HMCN1: variants seen among roughly 807,000 people sequenced by gnomAD.
HMCN1 encodes hemicentin 1.
In HMCN1, 321 loss-of-function variants were observed where a neutral mutation model predicts 625.9. That is an observed-to-expected ratio of 0.51 (90% confidence interval 0.47 to 0.56). The LOEUF (loss-of-function observed/expected upper bound fraction) is 0.56, where lower values mean the gene tolerates loss of function less well. Ranked by LOEUF, HMCN1 falls within the 20% of genes least tolerant of loss-of-function variation. The pLI is 0.00. For missense variants in HMCN1, 6,588 were observed against 6,887.3 expected (o/e 0.96, Z 1.54); for synonymous variants, 2,425 against 2,417.6 (o/e 1.00, Z -0.09).
intron 21 of HMCN1, 54 bp downstream of exon 21, chr1:185,989,701 C>G: frequency 6.4e-7 from 1 of 1,557,390 alleles, no homozygotes; most frequent in Admixed American, 1.7e-5. Flanking sequence ...TGTGCCAAAA[C>G]TCACAGTTCT....
chr1:185,739,985 A>G (rs192029082), intron 1 of HMCN1, among the ~76,000 whole-genome samples: 14 of 152,322 alleles, frequency 9.2e-5, no homozygotes, highest in Admixed American at 5.9e-4. Flanking sequence ...TGGAGAAAAA[A>G]TAAATGAAAA....
rs201176937 is a variant in HMCN1 at position 186,015,356 on chromosome 1, G to A, written c.4828G>A (p.Val1610Ile). The A allele has an allele frequency of 5.5e-5, 88 of 1,613,720 alleles. No individual in the cohort carries two copies. The East Asian group carries it at 1.9e-3, about 34-fold the overall frequency. ...ATATCTTCATATTCCTCGAGCACAG[G>A]TCTCTGATTCAGCAACATATACGTG... ...GQYLHIPRAQ[V>I]SDSATYTCHV... The change falls in exon 31 of 107, where the codon GTC becomes ATC. Residue 1610 changes from valine to isoleucine, a missense_variant. Transcript: ENST00000271588.
chr1:186,189,776 C>T lies in HMCN1; in HGVS notation c.16806C>T (p.Thr5602=), dbSNP rs145370988. The change falls in exon 107 of 107, where the codon ACC becomes ACT. Residue 5602 remains threonine, a synonymous_variant. Coordinates refer to ENST00000271588, the MANE Select transcript of HMCN1 (RefSeq NM_031935.3). ...YTTRPLREAE[T]YRMRVRASSY... ...CACGACCACTACGAGAAGCAGAGAC[C>T]TACCGCATGAGGGTCCGAGCCTCAT... 118 of 1,613,614 alleles carry T rather than the reference C, an allele frequency of 7.3e-5. No homozygotes were observed. The highest frequency in any genetic ancestry group is 9.5e-5 in the Non-Finnish European group (112 of 1,179,834).
rs150188026 is a variant in HMCN1, at chr1:186,171,376, G to A, written c.15614G>A (p.Arg5205His). The change falls in exon 101 of 107, where the codon CGC becomes CAC. Residue 5205 changes from arginine to histidine, a missense_variant. Coordinates refer to ENST00000271588, the MANE Select transcript of HMCN1 (RefSeq NM_031935.3). The part of the protein sequence containing the change: ...ECQESSPCHQ[R>H]CFNAIGSFHC... ...CAAGAATCCAGCCCCTGTCACCAGC[G>A]CTGTTTCAATGCCATAGGAAGTTTC... is the stretch of plus-strand genomic sequence containing the variant. The A allele has an allele frequency of 8.6e-4, 1,395 of 1,613,440 alleles. 22 individuals are homozygous for A. The East Asian group carries it at 0.014, about 16-fold the overall frequency.
At chr1:185,936,703 C>G (rs1667829211) in intron 11 of HMCN1, among the ~76,000 whole-genome samples, 1 of 152,132 alleles carries the variant, frequency 6.6e-6, no homozygotes, top group Non-Finnish European at 1.5e-5. Context: ...ATGTTTCCCA[C>G]CAATGAAAAT....
intron 4 of HMCN1, among the ~76,000 whole-genome samples, chr1:185,896,096 C>T (rs926895372): frequency 2.0e-5 from 3 of 151,966 alleles, no homozygotes; most frequent in South Asian, 4.2e-4. Flanking sequence ...CCACCATGCC[C>T]GGCTAACTTT....
At chr1:185,950,728 C>T (rs548146474) in intron 11 of HMCN1, among the ~76,000 whole-genome samples, 151 of 136,474 alleles carry the variant, frequency 1.1e-3, no homozygotes, top group Admixed American at 2.0e-3. Context: ...CAAGTGAAAG[C>T]GAAGAGAGGC....
chr1:186,016,277 T>A, intron 32 of HMCN1, 38 bp downstream of exon 32: 2 of 1,574,754 alleles, frequency 1.3e-6, no homozygotes, highest in South Asian at 1.1e-5. Flanking sequence ...CTCAGATTCA[T>A]AGCAAAACCT....
At chr1:185,797,526 T>C (rs1411243765) in intron 1 of HMCN1, among the ~76,000 whole-genome samples, 2 of 152,234 alleles carry the variant, frequency 1.3e-5, no homozygotes, top group African/African-American at 4.8e-5. Context: ...AGGCTGGTCT[T>C]GAACTCCTGG....
At position 185,882,351 on chromosome 1, in the gene HMCN1, T is replaced by G. The variant is rs535138234; in HGVS notation, c.621+16488T>G. Reference sequence around the variant, plus strand: ...TAATGTGTTGTCAAAGAAATGAATGTTTTTTTTTTTTTCAGTTTTAATGTT... The same window carrying G: ...TAATGTGTTGTCAAAGAAATGAATGGTTTTTTTTTTTTCAGTTTTAATGTT... On this transcript the variant is annotated intron_variant, in intron 4 of 106. Transcript: ENST00000271588. Among the ~76,000 whole-genome samples, 287 of 66,226 alleles carry G rather than the reference T, an allele frequency of 4.3e-3. 7 individuals are homozygous for G. In the South Asian group the frequency reaches 0.076, roughly 18 times the overall value. 43.4% of individuals were successfully genotyped at this position (66,226 alleles called of 152,430 possible).
intron 1 of HMCN1, among the ~76,000 whole-genome samples, chr1:185,840,043 C>T (rs1324984139): frequency 6.6e-6 from 1 of 152,118 alleles, no homozygotes; most frequent in Non-Finnish European, 1.5e-5. Context: ...TAGGAATGTA[C>T]TCAACTAAAT....
At position 186,081,276 on chromosome 1, in the gene HMCN1, C is replaced by T. The variant is rs1489019808; in HGVS notation, c.8669C>T (p.Ala2890Val). The change falls in exon 56 of 107, where the codon GCA (alanine) becomes GTA (valine). Residue 2890 changes from alanine (A) to valine (V), a missense_variant. Ala to Val is a moderately conservative substitution (Grantham distance 64, BLOSUM62 0). Coordinates refer to ENST00000271588, the MANE Select transcript of HMCN1 (RefSeq NM_031935.3). ...GTCACCGTGCTGGTGAACAAGAGTG[C>T]ACTGATAGAGTGTTTATCCAGTGGC... Reference protein sequence around the residue: ...EEVTVLVNKSALIECLSSGSP... With the variant: ...EEVTVLVNKSVLIECLSSGSP... 6.2e-7 allele frequency: 1 copy of T among 1,613,388 alleles called. No homozygotes were observed. Among genetic ancestry groups the T allele is most frequent in the South Asian group, 1.1e-5 (1 of 91,056 alleles).
At chr1:185,776,007 GT>G (rs1183676037) in intron 1 of HMCN1, among the ~76,000 whole-genome samples, 1 of 152,164 alleles carries the variant, frequency 6.6e-6, no homozygotes, top group Admixed American at 6.5e-5. Flanking sequence ...TGTTCTATAT[GT>G]TGAAAAGTAA....
intron 19 of HMCN1, among the ~76,000 whole-genome samples, chr1:185,986,366 G>C (rs1651998105): frequency 6.6e-6 from 1 of 152,110 alleles, no homozygotes; most frequent in African/African-American, 2.4e-5. Context: ...GAGTGATTGA[G>C]CTCCCGGGAG....
At chr1:185,846,003 C>G (rs756807021) in intron 1 of HMCN1, 23 bp from the exon 2 acceptor site, 17 of 1,499,560 alleles carry the variant, frequency 1.1e-5, no homozygotes, top group Non-Finnish European at 1.4e-5. Context: ...GTTTATTGAC[C>G]TATGTTATTT....
chr1:186,132,543 T>TCCATCAGCA, intron 86 of HMCN1, 134 bp downstream of exon 86: 1 of 727,242 alleles, frequency 1.4e-6, no homozygotes, highest in Non-Finnish European at 2.4e-6. Flanking sequence ...AGTTTTCTGC[T>TCCATCAGCA]GCTGATGGAG....
At chr1:186,105,106 T>C (rs1234641208) in intron 69 of HMCN1, among the ~76,000 whole-genome samples, 2 of 152,220 alleles carry the variant, frequency 1.3e-5, no homozygotes, top group African/African-American at 4.8e-5. Context: ...ATTTACCATG[T>C]GTTCTAGCTA....
intron 1 of HMCN1, among the ~76,000 whole-genome samples, chr1:185,746,516 G>A (rs954066425): frequency 1.3e-5 from 2 of 151,874 alleles, no homozygotes; most frequent in East Asian, 1.9e-4. Context: ...AATCTTTGAC[G>A]TTCCTTGGCT....
chr1:186,039,818 C>T lies in HMCN1; in HGVS notation c.6119C>T (p.Ala2040Val). Reference sequence around the variant, plus strand: ...GAATGTGAAGCCAGAGGTATTCCTGCCCCAAGTCTGACCTGGTTGAAAGAT... The same window carrying T: ...GAATGTGAAGCCAGAGGTATTCCTGTCCCAAGTCTGACCTGGTTGAAAGAT... ...RLECEARGIP[A>V]PSLTWLKDGS... is the part of the protein sequence containing the mutation. Residue 2040 changes from alanine (A) to valine (V), a missense_variant, in exon 39 of 107, where the codon GCC becomes GTC. Physicochemically the swap from Ala to Val is moderately conservative, Grantham distance 64 (BLOSUM62 0). Coordinates refer to ENST00000271588, the MANE Select transcript of HMCN1 (RefSeq NM_031935.3). 1 of 1,613,358 alleles carries T rather than the reference C, an allele frequency of 6.2e-7. No homozygotes were observed. Among genetic ancestry groups the T allele is most frequent in the Non-Finnish European group, 8.5e-7 (1 of 1,179,512 alleles).
Sources: allele counts gnomAD v4.1 joint callset (sites outside exome capture counted in the v4.1 genomes callset), GRCh38; gene constraint gnomAD v4.1.1; transcripts MANE v1.5; gene names NCBI Gene and HGNC (gene_info 2026-07-23, HGNC 2026-07-21).